Variants in ABCB4 observed in about 807,000 individuals in gnomAD.
The protein encoded by ABCB4 is phosphatidylcholine translocator ABCB4.
In ABCB4, 76 loss-of-function variants were observed where a neutral mutation model predicts 145.7. That is an observed-to-expected ratio of 0.52 (90% CI 0.43 to 0.63). ABCB4 has a LOEUF of 0.63. Among genes scored for constraint, ABCB4 ranks in the 30% least tolerant of loss-of-function variants. ABCB4 has a pLI of 0.00. For missense variants in ABCB4, 1,234 were observed against 1,553.1 expected (o/e 0.79, Z 3.45); for synonymous variants, 517 against 566.8 (o/e 0.91, Z 1.25).
chr7:87,443,905 G>A lies in ABCB4; in HGVS notation c.1120-132C>T. On this transcript the variant is annotated intron_variant, in intron 10 of 27. Coordinates refer to ENST00000649586, the MANE Select transcript of ABCB4 (RefSeq NM_000443.4). ...TCCCCTTTACATAAGAAAAACCCAA[G>A]ATGAAGATTGTGTGTATATGTATGT... 12 of 710,824 alleles carry A rather than the reference G, an allele frequency of 1.7e-5. No homozygotes were observed. The South Asian group carries it at 1.8e-4, about 11-fold the overall frequency. The allele number at this position is 710,824 out of a possible 1,614,324, so 44.0% of individuals were successfully genotyped here.
At chr7:87,463,246 A>AACAC (rs56747933) in intron 3 of ABCB4, among the ~76,000 whole-genome samples, 1,612 of 148,154 alleles carry the variant, frequency 0.011, 6 homozygotes, top group Middle Eastern at 0.021. Flanking sequence ...ATTAAGTTTA[A>AACAC]ACACACACAC....
chr7:87,433,731 G>GATAA (rs1209452803), intron 14 of ABCB4, among the ~76,000 whole-genome samples: 2 of 128,594 alleles, frequency 1.6e-5, no homozygotes, highest in Non-Finnish European at 3.2e-5. Context: ...ACAGGACATT[G>GATAA]ATAAATAAAT....
At chr7:87,395,790 C>T in the ABCB4 span, among the ~76,000 whole-genome samples, 1 of 152,258 alleles carries the variant, frequency 6.6e-6, no homozygotes, top group Non-Finnish European at 1.5e-5. Flanking sequence ...AAATGGTCTA[C>T]TTGCCCCCAG....
chr7:87,435,940 A>C (rs1488681640), intron 14 of ABCB4, among the ~76,000 whole-genome samples: 1 of 152,200 alleles, frequency 6.6e-6, no homozygotes, highest in Non-Finnish European at 1.5e-5. Context: ...AGAGGATAGA[A>C]AAGGAGTACC....
Position 87,454,593 on chromosome 7 carries a change from C to T in ABCB4, c.287-1G>A, listed in dbSNP as rs371348146. 2.5e-6 allele frequency: 4 copies of T among 1,606,538 alleles called. No individual in the cohort carries two copies. Among genetic ancestry groups the T allele is most frequent in the Non-Finnish European group, 3.4e-6 (4 of 1,175,306 alleles). On this transcript the variant is annotated splice_acceptor_variant, in intron 4 of 27. Coordinates refer to ENST00000649586, the MANE Select transcript of ABCB4 (RefSeq NM_000443.4). LOFTEE classifies it high-confidence loss of function. Reference sequence around the variant, plus strand: ...TTTAGCAGCGACAAGGAAAAGTTCACTAAATTAAAAAATAAAATAAAACAT... The same window carrying T: ...TTTAGCAGCGACAAGGAAAAGTTCATTAAATTAAAAAATAAAATAAAACAT...
At chr7:87,411,519 T>G (rs1001591224) in intron 23 of ABCB4, among the ~76,000 whole-genome samples, 5 of 152,172 alleles carry the variant, frequency 3.3e-5, no homozygotes, top group Non-Finnish European at 5.9e-5. Flanking sequence ...CAGGCCATGT[T>G]TTGGTTGTAG....
the ABCB4 span, among the ~76,000 whole-genome samples, chr7:87,387,596 A>G: frequency 1.3e-5 from 2 of 152,148 alleles, no homozygotes; most frequent in Admixed American, 1.3e-4. Context: ...CATTTTGTAT[A>G]TGTATTATAT....
At position 87,422,134 on chromosome 7, in the gene ABCB4, G is replaced by C. The variant is rs1342582448; in HGVS notation, c.2303C>G (p.Thr768Ser). 2 of 1,609,258 alleles carry C rather than the reference G, an allele frequency of 1.2e-6. No homozygotes were observed. Among genetic ancestry groups the C allele is most frequent in the African/African-American group, 2.7e-5 (2 of 74,646 alleles). ...FLFLGIISFF[T>S]FFLQGFTFGK... ...ATGGGTACCTACCTGAAGGAAGAAA[G>C]TAAAAAAAGAAATAATTCCCAGAAA... is the stretch of plus-strand genomic sequence containing the variant. Residue 768 changes from threonine (T) to serine (S), a missense_variant, in exon 18 of 28, where the codon ACT (threonine) becomes AGT (serine). Physicochemically the swap from Thr to Ser is moderately conservative, Grantham distance 58. This residue lies in a region of ABCB4 where 321 missense variants were observed against 332.6 expected (regional missense o/e 0.97). Coordinates refer to ENST00000649586, the MANE Select transcript of ABCB4 (RefSeq NM_000443.4).
chr7:87,443,902 C>A, intron 10 of ABCB4, 129 bp from the exon 11 acceptor site: 2 of 718,108 alleles, frequency 2.8e-6, no homozygotes, highest in South Asian at 3.0e-5. Context: ...AAGAAAAACC[C>A]AAGATGAAGA....
At chr7:87,366,314 C>G in the ABCB4 span, among the ~76,000 whole-genome samples, 1 of 151,920 alleles carries the variant, frequency 6.6e-6, no homozygotes, top group Non-Finnish European at 1.5e-5. Flanking sequence ...TCCCTCTGCC[C>G]TTTCTGTTTT....
At chr7:87,462,634 T>A (rs1812538868) in intron 4 of ABCB4, 124 bp downstream of exon 4, 2 of 893,568 alleles carry the variant, frequency 2.2e-6, no homozygotes, top group African/African-American at 1.7e-5. Context: ...TTCTATGATA[T>A]CTGGAGTCAA....
At chr7:87,429,218 T>A (rs1332433312) in intron 15 of ABCB4, among the ~76,000 whole-genome samples, 1 of 152,166 alleles carries the variant, frequency 6.6e-6, no homozygotes. Context: ...ATGGGAAATG[T>A]GGGGGTACCC....
chr7:87,381,827 T>G, the ABCB4 span: 5 of 895,966 alleles, frequency 5.6e-6, no homozygotes, highest in Admixed American at 1.2e-4. Flanking sequence ...CTGTTAAGAA[T>G]GGACACAAAG....
At chr7:87,469,415 A>G (rs1170126047) in intron 3 of ABCB4, among the ~76,000 whole-genome samples, 1 of 152,224 alleles carries the variant, frequency 6.6e-6, no homozygotes, top group Admixed American at 6.5e-5. Flanking sequence ...TCAATTAGGA[A>G]AAGAGGAAGT....
At chr7:87,391,636 G>A in the ABCB4 span, 3 of 1,610,188 alleles carry the variant, frequency 1.9e-6, no homozygotes, top group Middle Eastern at 1.7e-4. Flanking sequence ...TTTTATCATG[G>A]CCGTACAGAG....
chr7:87,369,444 AT>A, the ABCB4 span: 4 of 1,613,116 alleles, frequency 2.5e-6, no homozygotes, highest in African/African-American at 5.3e-5. Context: ...CTTTGATGTA[AT>A]ACATGAAGGA....
intron 21 of ABCB4, 137 bp downstream of exon 21, chr7:87,417,174 CA>C: frequency 3.7e-6 from 3 of 815,712 alleles, no homozygotes; most frequent in Non-Finnish European, 6.0e-6. Context: ...TAAAATATTT[CA>C]TACACAATTG....
At chr7:87,471,502 A>G (rs1373848199) in intron 3 of ABCB4, among the ~76,000 whole-genome samples, 2 of 152,174 alleles carry the variant, frequency 1.3e-5, no homozygotes, top group Non-Finnish European at 2.9e-5. Flanking sequence ...TTAAACAAAT[A>G]AAAAAAGAGG....
chr7:87,467,720 T>G (rs1285848553), intron 3 of ABCB4, among the ~76,000 whole-genome samples: 1 of 152,090 alleles, frequency 6.6e-6, no homozygotes, highest in African/African-American at 2.4e-5. Context: ...GCAATCAAAC[T>G]AGAACTCAGG....
Sources: gnomAD v4.1 joint callset for allele counts (sites outside exome capture counted in the v4.1 genomes callset) on GRCh38, gnomAD v4.1.1 for gene constraint, gnomAD v4.1.1 regional missense constraint, MANE v1.5 for transcripts, NCBI Gene and HGNC (gene_info 2026-07-23, HGNC 2026-07-21) for gene names.